Variants in STAG2 observed in about 807,000 individuals in gnomAD.
STAG2 encodes the protein STAG2 cohesin complex component.
A neutral mutation model predicts 108.1 loss-of-function variants in STAG2; 14 were observed. The ratio of observed to expected loss-of-function variants is 0.13; its 90% confidence interval spans 0.09 to 0.20. The LOEUF (loss-of-function observed/expected upper bound fraction) is 0.20, where lower values mean the gene tolerates loss of function less well. STAG2 is among the 10% of genes least tolerant of loss of function. STAG2 has a pLI of 1.00. For synonymous variants in STAG2, 307 were observed against 302.7 expected (o/e 1.01, Z -0.15); for missense variants, 440 against 940.9 (o/e 0.47, Z 6.96).
chrX:124,081,282 T>A, intron 27 of STAG2, 98 bp from the exon 28 acceptor site: 1 of 576,948 alleles, frequency 1.7e-6, no homozygotes, highest in Non-Finnish European at 2.6e-6. Context: ...GTGCCTCATT[T>A]ATTGAACACC....
rs2058958740 is a variant in STAG2, at chrX:124,081,364, C to T, written c.2776-16C>T. 1 of 1,102,636 alleles carries T rather than the reference C, an allele frequency of 9.1e-7. No homozygotes were observed. The highest frequency in any genetic ancestry group is 3.2e-5 in the East Asian group (1 of 31,397). 90.9% of individuals were successfully genotyped at this position (1,102,636 alleles called of 1,213,427 possible). ...GGTATTAAGAACTTTAACATGCTTT[C>T]TTTCTTTCCAAACAGCTTTTTAATG... On this transcript the variant is annotated splice_polypyrimidine_tract_variant and intron_variant, in intron 27 of 34. Coordinates refer to ENST00000371145, the MANE Select transcript of STAG2 (RefSeq NM_001042750.2).
rs1360562582 is a variant in STAG2 at position 124,101,307 on chromosome X, A to G, written c.*710A>G. ...TGCTTATCCCATTATCAACCCTGAA[A>G]GTTTGCTTGTCCTTTAAGATAAAAA... On this transcript the variant is annotated 3_prime_UTR_variant, in exon 35 of 35. Coordinates refer to ENST00000371145, the MANE Select transcript of STAG2 (RefSeq NM_001042750.2). 1 of 151,066 alleles carries G rather than the reference A, an allele frequency of 6.6e-6. No homozygotes were observed. Among genetic ancestry groups the G allele is most frequent in the African/African-American group, 3.1e-5 (1 of 32,520 alleles). The allele number at this position is 151,066 out of a possible 1,213,427, so 12.4% of individuals were successfully genotyped here.
chrX:124,037,488 G>T, intron 5 of STAG2, 39 bp from the exon 6 acceptor site: 1 of 945,432 alleles, frequency 1.1e-6, no homozygotes, highest in South Asian at 2.4e-5. Flanking sequence ...GAGAAAATTA[G>T]AAGAAGCTAA....
Position 124,037,592 on chromosome X carries a change from C to A in STAG2, c.354C>A (p.Ile118=). The A allele has an allele frequency of 8.4e-7, 1 of 1,184,980 alleles. No individual in the cohort carries two copies. The highest frequency in any genetic ancestry group is 1.8e-5 in the South Asian group (1 of 54,892). ...GAGATATAGCACTTCTTGACCTTAT[C>A]AACTTTTTTATTCAGTGTTCAGGCT... ...HDRDIALLDL[I]NFFIQCSGCK... The change falls in exon 6 of 35, where the codon ATC becomes ATA. Residue 118 remains isoleucine, a synonymous_variant. Transcript: ENST00000371145.
At chrX:124,066,469 C>T in intron 23 of STAG2, 33 bp downstream of exon 23, 1 of 1,014,183 alleles carries the variant, frequency 9.9e-7, no homozygotes, top group African/African-American at 1.9e-5. Context: ...TTTTATTAGA[C>T]TAAATATCAT....
intron 27 of STAG2, among the ~76,000 whole-genome samples, chrX:124,079,797 C>T (rs751758467): frequency 1.1e-3 from 126 of 111,801 alleles, no homozygotes; most frequent in African/African-American, 4.0e-3. Context: ...TTTTGATGGC[C>T]TTGTTACTCT....
intron 5 of STAG2, among the ~76,000 whole-genome samples, chrX:124,034,872 GTTGTTGTTA>G (rs1324322126): frequency 9.3e-5 from 8 of 85,648 alleles, no homozygotes; most frequent in African/African-American, 2.3e-4. Flanking sequence ...TGTTGTTGTT[GTTGTTGTTA>G]TTATTATTAT....
At chrX:124,071,641 A>C (rs1485649770) in intron 25 of STAG2, among the ~76,000 whole-genome samples, 1 of 112,091 alleles carries the variant, frequency 8.9e-6, no homozygotes, top group Non-Finnish European at 1.9e-5. Context: ...CAGGTACTCA[A>C]TAAAATTTAT....
At chrX:124,097,359 A>G (rs1011487252) in intron 34 of STAG2, among the ~76,000 whole-genome samples, 3 of 110,840 alleles carry the variant, frequency 2.7e-5, no homozygotes, top group African/African-American at 9.9e-5. Context: ...GTTTAACTGC[A>G]CACTGAAGTT....
intron 1 of STAG2, among the ~76,000 whole-genome samples, chrX:123,967,571 A>G (rs2054164261): frequency 9.0e-6 from 1 of 111,160 alleles, no homozygotes; most frequent in African/African-American, 3.3e-5. Flanking sequence ...CAGCTGGCCT[A>G]TTCTTTTTTA....
chrX:124,079,817 G>A (rs1033348834), intron 27 of STAG2, among the ~76,000 whole-genome samples: 8 of 111,235 alleles, frequency 7.2e-5, no homozygotes, highest in Non-Finnish European at 1.5e-4. Context: ...TTTTTTATGC[G>A]TACATGAAAT....
chrX:124,028,822 AT>A (rs767163177), intron 4 of STAG2, among the ~76,000 whole-genome samples: 56 of 38,971 alleles, frequency 1.4e-3, no homozygotes, highest in Admixed American at 4.4e-3. Context: ...ATATATATAT[AT>A]TTTTTTTTTT....
chrX:124,009,443 G>GTGGGTAGATAGA (rs1556479690), intron 1 of STAG2, among the ~76,000 whole-genome samples: 4 of 63,596 alleles, frequency 6.3e-5, no homozygotes, highest in African/African-American at 2.4e-4. Context: ...AGGTAGGTAG[G>GTGGGTAGATAGA]TAGATAGATA....
intron 1 of STAG2, among the ~76,000 whole-genome samples, chrX:123,977,450 T>C (rs987644015): frequency 3.6e-5 from 4 of 111,339 alleles, no homozygotes; most frequent in South Asian, 3.7e-4. Context: ...TGCTGTTTTT[T>C]TTCCCCCCCT....
At chrX:124,046,510 A>G (rs766430715) in intron 8 of STAG2, among the ~76,000 whole-genome samples, 1 of 112,111 alleles carries the variant, frequency 8.9e-6, no homozygotes, top group African/African-American at 3.2e-5. Flanking sequence ...AAATTGGGAA[A>G]TCTTTCTTTA....
At chrX:124,051,042 G>A in intron 11 of STAG2, 79 bp from the exon 12 acceptor site, 2 of 557,735 alleles carry the variant, frequency 3.6e-6, no homozygotes, top group Non-Finnish European at 5.6e-6. Flanking sequence ...AGAAAATATT[G>A]TGTACATCTT....
chrX:124,039,533 C>T (rs1436392335), intron 6 of STAG2, among the ~76,000 whole-genome samples: 1 of 110,366 alleles, frequency 9.1e-6, no homozygotes, highest in East Asian at 2.8e-4. Context: ...TGTCCCACCT[C>T]AGCCTCCAAA....
intron 1 of STAG2, among the ~76,000 whole-genome samples, chrX:124,010,998 AT>A (rs2056503100): frequency 9.0e-6 from 1 of 111,411 alleles, no homozygotes; most frequent in Non-Finnish European, 1.9e-5. Flanking sequence ...TATGGACTTC[AT>A]GATAATATTA....
intron 23 of STAG2, 21 bp downstream of exon 23, chrX:124,066,457 GT>G (rs34494691): frequency 0.019 from 20,492 of 1,092,908 alleles, 166 homozygotes; most frequent in Non-Finnish European, 0.022. Context: ...GTTCAGTAGT[GT>G]TTTTATTAGA....
Sources: gnomAD v4.1 joint callset for allele counts (sites outside exome capture counted in the v4.1 genomes callset) on GRCh38, gnomAD v4.1.1 for gene constraint, MANE v1.5 for transcripts, NCBI Gene and HGNC (gene_info 2026-07-23, HGNC 2026-07-21) for gene names.